The following ACOXL variants were observed in gnomAD, a reference collection of about 807,000 sequenced individuals.
ACOXL encodes the protein acyl-CoA oxidase like, also known as acyl-coenzyme A oxidase-like protein.
Under a neutral mutation model 71.9 loss-of-function variants are expected in ACOXL, and 70 were observed. The observed-to-expected ratio is 0.97, with a 90% CI of 0.80 to 1.19. The LOEUF (loss-of-function observed/expected upper bound fraction) is 1.19, where lower values mean the gene tolerates loss of function less well. Ranked by LOEUF, ACOXL falls within the 50% of genes most tolerant of loss-of-function variation. ACOXL has a pLI of 0.00. For synonymous variants in ACOXL, 253 were observed against 281.6 expected, an observed-to-expected ratio of 0.90 and a Z score of 1.02; for missense variants, 703 against 736.3, an observed-to-expected ratio of 0.95 and a Z score of 0.52.
chr2:110,925,853 C>CTTT (rs59794309), intron 11 of ACOXL, among the ~76,000 whole-genome samples: 11 of 121,012 alleles, frequency 9.1e-5, no homozygotes, highest in South Asian at 2.9e-4. Context: ...TTACTTCTAG[C>CTTT]TTTTTTTTTT....
At chr2:111,064,022 C>G (rs1209374244) in intron 16 of ACOXL, among the ~76,000 whole-genome samples, 2 of 152,200 alleles carry the variant, frequency 1.3e-5, no homozygotes, top group South Asian at 4.1e-4. Context: ...GTTGCAGATA[C>G]AAGGTCAACG....
chr2:111,069,309 A>G (rs747533578), intron 16 of ACOXL, among the ~76,000 whole-genome samples: 3 of 151,774 alleles, frequency 2.0e-5, no homozygotes, highest in Non-Finnish European at 4.4e-5. Flanking sequence ...GCGCCATCAC[A>G]TCTAGCTAAC....
chr2:111,076,355 T>C (rs1201041507), intron 16 of ACOXL, among the ~76,000 whole-genome samples: 1 of 152,206 alleles, frequency 6.6e-6, no homozygotes, highest in Non-Finnish European at 1.5e-5. Flanking sequence ...TCCCTCTTTA[T>C]TCCTGGAAGT....
Position 111,118,222 on chromosome 2 carries a change from G to GAA in ACOXL, c.*417_*418dup. On this transcript the variant is annotated 3_prime_UTR_variant, in exon 18 of 18. Transcript: ENST00000439055. ...AGAAAAACTGTGGTGCCGAGTGAAAGAAAAAAAAAAAAGCAAACACCCTTA... is the reference window on the plus strand; with the variant it reads ...AGAAAAACTGTGGTGCCGAGTGAAAGAAAAAAAAAAAAAAGCAAACACCCTTA... The GAA allele has an allele frequency of 6.0e-5, 12 of 201,224 alleles. No homozygotes were observed. The highest frequency in any genetic ancestry group is 8.7e-5 in the Non-Finnish European group (9 of 103,500). 12.5% of individuals were successfully genotyped at this position (201,224 alleles called of 1,614,324 possible).
intron 16 of ACOXL, among the ~76,000 whole-genome samples, chr2:111,059,234 C>T (rs1184929566): frequency 6.6e-6 from 1 of 152,196 alleles, no homozygotes; most frequent in Non-Finnish European, 1.5e-5. Context: ...AAGACTCTGT[C>T]TCTATAAAAT....
At position 110,943,259 on chromosome 2, in the gene ACOXL, AAGG is replaced by A. The variant is rs373787660; in HGVS notation, c.1059+9621_1059+9623del. Among the ~76,000 whole-genome samples the A allele has an allele frequency of 1.7e-3, 244 of 147,124 alleles. 2 individuals carry two copies. The highest frequency in any genetic ancestry group is 5.6e-3 in the East Asian group (26 of 4,630). On this transcript the variant is annotated intron_variant, in intron 12 of 17. Transcript: ENST00000439055. The stretch of plus-strand genomic sequence containing the variant: ...AAGAAAGAGAAAGAAAAAGAAAAGA[AAGG>A]AGGGAGGGAGGGAAAGAAAGAAGGA...
chr2:110,768,482 T>C lies in ACOXL; in HGVS notation c.75+18T>C. On this transcript the variant is annotated intron_variant, in intron 2 of 17. Coordinates refer to ENST00000439055, the MANE Select transcript of ACOXL (RefSeq NM_001142807.4). The stretch of plus-strand genomic sequence containing the variant: ...AGGATCTGGTAAGTGTCATTATTAT[T>C]CTGGTATGGTTGTGTGTGTGTGTGT... The C allele has an allele frequency of 1.9e-6, 3 of 1,602,914 alleles. No individual in the cohort carries two copies. Among genetic ancestry groups the C allele is most frequent in the South Asian group, 2.2e-5 (2 of 90,910 alleles).
At chr2:111,110,505 G>A (rs2069869644) in intron 17 of ACOXL, among the ~76,000 whole-genome samples, 1 of 152,198 alleles carries the variant, frequency 6.6e-6, no homozygotes, top group Admixed American at 6.5e-5. Flanking sequence ...ATTCTGGGTT[G>A]AGGGTAAGAA....
chr2:110,844,958 A>G (rs892451376), intron 10 of ACOXL, among the ~76,000 whole-genome samples: 3 of 152,144 alleles, frequency 2.0e-5, no homozygotes, highest in African/African-American at 7.2e-5. Context: ...CTCTTTAAAA[A>G]TCCTATTTGC....
intron 16 of ACOXL, among the ~76,000 whole-genome samples, chr2:111,080,143 A>G (rs1268128776): frequency 6.6e-6 from 1 of 151,950 alleles, no homozygotes; most frequent in African/African-American, 2.4e-5. Flanking sequence ...CTAGCAATCT[A>G]TTTTGTTAAT....
chr2:110,753,901 T>C (rs1158227879), intron 1 of ACOXL, among the ~76,000 whole-genome samples: 1 of 152,132 alleles, frequency 6.6e-6, no homozygotes, highest in African/African-American at 2.4e-5. Context: ...ATTTTAAAAA[T>C]TTAGCCATTT....
At chr2:110,767,979 CAA>C (rs1491342557) in intron 1 of ACOXL, among the ~76,000 whole-genome samples, 11 of 132,078 alleles carry the variant, frequency 8.3e-5, no homozygotes, top group South Asian at 2.5e-4. Context: ...CACACACACA[CAA>C]ATTAGCTGGG....
At chr2:110,764,836 A>G (rs183021716) in intron 1 of ACOXL, among the ~76,000 whole-genome samples, 51 of 152,344 alleles carry the variant, frequency 3.3e-4, no homozygotes, top group Admixed American at 2.1e-3. Flanking sequence ...AAAACCCATA[A>G]TAAGTAATCT....
At chr2:110,792,377 TCC>T (rs1230954206) in intron 3 of ACOXL, among the ~76,000 whole-genome samples, 1 of 152,196 alleles carries the variant, frequency 6.6e-6, no homozygotes, top group East Asian at 1.9e-4. Context: ...CCCTGCTCCT[TCC>T]AAACGGCCCT....
At chr2:110,957,115 TACTC>T (rs2061529345) in intron 12 of ACOXL, among the ~76,000 whole-genome samples, 2 of 152,106 alleles carry the variant, frequency 1.3e-5, no homozygotes, top group African/African-American at 2.4e-5. Context: ...CGGAAAATCT[TACTC>T]ACTTTTTTTT....
intron 10 of ACOXL, among the ~76,000 whole-genome samples, chr2:110,889,610 T>C (rs1470525394): frequency 6.6e-6 from 1 of 152,234 alleles, no homozygotes; most frequent in Non-Finnish European, 1.5e-5. Flanking sequence ...CTTTTGGAAC[T>C]GATGTCATTC....
intron 13 of ACOXL, 122 bp from the exon 14 acceptor site, chr2:110,995,771 C>T (rs1344238115): frequency 6.0e-6 from 4 of 666,416 alleles, no homozygotes. Context: ...GAGATTATGT[C>T]TATTGACACT....
intron 2 of ACOXL, among the ~76,000 whole-genome samples, chr2:110,781,131 G>A (rs946726635): frequency 9.9e-5 from 15 of 152,180 alleles, no homozygotes; most frequent in African/African-American, 3.6e-4. Context: ...AATGCCCTGT[G>A]CTCTTGATTG....
intron 13 of ACOXL, among the ~76,000 whole-genome samples, chr2:110,990,515 C>T (rs1286499240): frequency 1.3e-5 from 2 of 152,106 alleles, no homozygotes; most frequent in African/African-American, 2.4e-5. Context: ...TCATGTCTCA[C>T]AGCAAGAGCT....
Sources: gnomAD v4.1 joint callset for allele counts (sites outside exome capture counted in the v4.1 genomes callset) on GRCh38, gnomAD v4.1.1 for gene constraint, MANE v1.5 for transcripts, NCBI Gene and HGNC (gene_info 2026-07-23, HGNC 2026-07-21) for gene names.